Variants in AGAP1 observed in about 807,000 individuals in gnomAD.
AGAP1 encodes arf-GAP with GTPase, ANK repeat and PH domain-containing protein 1.
A neutral mutation model predicts 105.3 loss-of-function variants in AGAP1; 29 were observed. The ratio of observed to expected loss-of-function variants is 0.28; its 90% CI spans 0.21 to 0.38. The LOEUF is 0.38. AGAP1 is among the 10% of genes least tolerant of loss of function. The pLI is 1.00. For missense variants in AGAP1, 998 were observed against 1,165.1 expected (o/e 0.86, Z 2.09); for synonymous variants, 509 against 485.9 (o/e 1.05, Z -0.63).
At chr2:236,011,087 T>TG (rs1173539264) in intron 13 of AGAP1, among the ~76,000 whole-genome samples, 1 of 152,200 alleles carries the variant, frequency 6.6e-6, no homozygotes, top group East Asian at 1.9e-4. Flanking sequence ...GCCAGCATGA[T>TG]GATGAGTTTT....
intron 9 of AGAP1, among the ~76,000 whole-genome samples, chr2:235,836,346 G>A (rs1312737337): frequency 6.6e-6 from 1 of 152,216 alleles, no homozygotes; most frequent in East Asian, 1.9e-4. Context: ...AGGTGGCCGG[G>A]AGTGCTGGTG....
intron 6 of AGAP1, among the ~76,000 whole-genome samples, chr2:235,778,349 A>G (rs1204430061): frequency 6.6e-6 from 1 of 152,208 alleles, no homozygotes; most frequent in African/African-American, 2.4e-5. Context: ...TGCAGCCAGC[A>G]GGGAATTTTA....
At chr2:235,802,631 G>A (rs1033296180) in intron 8 of AGAP1, among the ~76,000 whole-genome samples, 1 of 152,056 alleles carries the variant, frequency 6.6e-6, no homozygotes, top group Non-Finnish European at 1.5e-5. Context: ...CAAAATGATG[G>A]TGGTGATGAT....
intron 16 of AGAP1, among the ~76,000 whole-genome samples, chr2:236,069,101 T>C (rs1576223146): frequency 6.6e-6 from 1 of 151,332 alleles, no homozygotes; most frequent in East Asian, 2.0e-4. Flanking sequence ...CGCTCCAGCC[T>C]GGGCAACAGC....
chr2:236,031,125 GATTA>G (rs1559208208), intron 13 of AGAP1, among the ~76,000 whole-genome samples: 1 of 152,170 alleles, frequency 6.6e-6, no homozygotes, highest in African/African-American at 2.4e-5. Context: ...ATCCAAAACT[GATTA>G]GATATATGAA....
intron 16 of AGAP1, among the ~76,000 whole-genome samples, chr2:236,075,447 G>A (rs183199050): frequency 4.1e-4 from 62 of 152,244 alleles, no homozygotes; most frequent in African/African-American, 1.3e-3. Context: ...AGCCGCAAAG[G>A]GTCCCCGCTG....
Position 235,516,187 on chromosome 2 carries a change from C to T in AGAP1, c.163+21338C>T, listed in dbSNP as rs369003692. 4.6e-5 allele frequency among the ~76,000 whole-genome samples: 7 copies of T among 152,224 alleles called. No homozygotes were observed. In the East Asian group the frequency reaches 9.7e-4, roughly 21 times the overall value. On this transcript the variant is annotated intron_variant, in intron 1 of 17. Transcript: ENST00000304032. Reference sequence around the variant, plus strand: ...CGTGCTGTCTTCCCATCCCTCTGGGCACGTGGCTCCTCTTTTACATGCATG... The same window carrying T: ...CGTGCTGTCTTCCCATCCCTCTGGGTACGTGGCTCCTCTTTTACATGCATG...
chr2:235,914,515 G>A (rs1254169137), intron 11 of AGAP1, among the ~76,000 whole-genome samples: 1 of 152,110 alleles, frequency 6.6e-6, no homozygotes, highest in East Asian at 1.9e-4. Context: ...CTCGGGGGTG[G>A]GGTATTCCTA....
intron 2 of AGAP1, among the ~76,000 whole-genome samples, chr2:235,715,196 C>T (rs759830817): frequency 2.0e-4 from 31 of 152,348 alleles, no homozygotes; most frequent in Non-Finnish European, 4.1e-4. Context: ...TCCATCTCTC[C>T]TCCCTCCCAT....
rs1049395260 is a variant in AGAP1 at position 235,989,377 on chromosome 2, C to A, written c.1645+20754C>A. Among the ~76,000 whole-genome samples, 1 of 152,128 alleles carries A rather than the reference C, an allele frequency of 6.6e-6. No individual in the cohort carries two copies. Among genetic ancestry groups the A allele is most frequent in the Non-Finnish European group, 1.5e-5 (1 of 68,026 alleles). On this transcript the variant is annotated intron_variant, in intron 13 of 17. Transcript: ENST00000304032. This position sits in a 1 kb window ranked among gnomAD's most constrained non-coding sequence, Gnocchi z 4.4. ...CCTAAGCCCTTCCCCCAACTGGAAC[C>A]ATGGAGGGAGGAAGAACAGACCAGG... is the stretch of plus-strand genomic sequence containing the variant.
chr2:236,129,709 C>T lies in AGAP1; in HGVS notation c.*5587C>T, dbSNP rs1347614283. On this transcript the variant is annotated 3_prime_UTR_variant, in exon 18 of 18. Transcript: ENST00000304032. This position sits in a 1 kb window ranked among gnomAD's most constrained non-coding sequence, Gnocchi z 6.2. ...AAATAGACTGTTGAAATATTAATGG[C>T]CCCCCCATTTAATCAGTGTGTCTGC... The T allele has an allele frequency of 6.6e-6, 1 of 152,108 alleles. No individual in the cohort carries two copies. Among genetic ancestry groups the T allele is most frequent in the African/African-American group, 2.4e-5 (1 of 41,422 alleles). 9.4% of individuals were successfully genotyped at this position (152,108 alleles called of 1,614,324 possible).
Position 236,123,390 on chromosome 2 carries a change from G to A in AGAP1, c.2371-529G>A, listed in dbSNP as rs907523712. On this transcript the variant is annotated intron_variant, in intron 17 of 17. Transcript: ENST00000304032. This position sits in a 1 kb window ranked among gnomAD's most constrained non-coding sequence, Gnocchi z 4.6. ...GATGTAAGAAAATGATCACAGTATA[G>A]TAATCAATAAAAAATGAAAAAAATA... Among the ~76,000 whole-genome samples the A allele has an allele frequency of 6.6e-6, 1 of 151,972 alleles. No individual in the cohort carries two copies. Among genetic ancestry groups the A allele is most frequent in the African/African-American group, 2.4e-5 (1 of 41,320 alleles).
In AGAP1 at chr2:236,129,152, T is replaced by G. The variant is rs962587345; in HGVS notation, c.*5030T>G. ...TTCTCCACCTTTCCGCGGCTTGCGC[T>G]TGGATTTCTGAGTGGCTTTCTTCAG... On this transcript the variant is annotated 3_prime_UTR_variant, in exon 18 of 18. Transcript: ENST00000304032. The surrounding 1 kb of genome is among the most constrained non-coding windows in gnomAD (Gnocchi z 6.2). The G allele has an allele frequency of 6.6e-6, 1 of 152,370 alleles. No individual in the cohort carries two copies. Among genetic ancestry groups the G allele is most frequent in the Middle Eastern group, 3.4e-3 (1 of 296 alleles). The allele number at this position is 152,370 out of a possible 1,614,324, so 9.4% of individuals were successfully genotyped here. A position where few individuals can be genotyped will look rare whatever the true frequency, so the allele number is the denominator to read the frequency against.
At chr2:235,946,640 C>CT (rs1352437607) in intron 12 of AGAP1, among the ~76,000 whole-genome samples, 1 of 152,230 alleles carries the variant, frequency 6.6e-6, no homozygotes, top group Non-Finnish European at 1.5e-5. Context: ...GAAACAATCT[C>CT]TGTGTCCAGA....
chr2:235,644,329 C>T (rs1326834561), intron 1 of AGAP1, among the ~76,000 whole-genome samples: 1 of 152,216 alleles, frequency 6.6e-6, no homozygotes, highest in East Asian at 1.9e-4. Flanking sequence ...CTGTCCCGTT[C>T]ACTGTCATGT....
intron 1 of AGAP1, among the ~76,000 whole-genome samples, chr2:235,531,041 T>C (rs1247256455): frequency 6.6e-6 from 1 of 152,184 alleles, no homozygotes; most frequent in East Asian, 1.9e-4. Flanking sequence ...GTTTAGAAAG[T>C]ACAGTGAGAA....
intron 1 of AGAP1, among the ~76,000 whole-genome samples, chr2:235,592,804 C>T (rs73120500): frequency 0.047 from 7,216 of 152,160 alleles, 291 homozygotes; most frequent in African/African-American, 0.11. Flanking sequence ...GGTGAGAGTG[C>T]GGGGTGGCTG....
Position 236,005,616 on chromosome 2 carries a change from C to T in AGAP1, c.1646-30945C>T, listed in dbSNP as rs751715252. ...TATTCCATTGTCATGCCTCCTTAGC[C>T]TTCTCTTGGCTGGGACATTTTCTCA... is the stretch of plus-strand genomic sequence containing the variant. On this transcript the variant is annotated intron_variant, in intron 13 of 17. Coordinates refer to ENST00000304032, the MANE Select transcript of AGAP1 (RefSeq NM_001037131.3). The surrounding 1 kb of genome is among the most constrained non-coding windows in gnomAD (Gnocchi z 4.1). Among the ~76,000 whole-genome samples, 2 of 152,302 alleles carry T rather than the reference C, an allele frequency of 1.3e-5. No individual in the cohort carries two copies. The highest frequency in any genetic ancestry group is 6.5e-5 in the Admixed American group (1 of 15,294).
Position 235,766,710 on chromosome 2 carries a change from A to G in AGAP1, c.673+16222A>G, listed in dbSNP as rs115775857. ...GCCCTGCATGTAACTTTACAGAAGAATCAAAGAAAAGTTGGCCAAAGATAC... is the reference window on the plus strand; with the variant it reads ...GCCCTGCATGTAACTTTACAGAAGAGTCAAAGAAAAGTTGGCCAAAGATAC... On this transcript the variant is annotated intron_variant, in intron 6 of 17. Coordinates refer to ENST00000304032, the MANE Select transcript of AGAP1 (RefSeq NM_001037131.3). Among the ~76,000 whole-genome samples, 260 of 152,304 alleles carry G rather than the reference A, an allele frequency of 1.7e-3. 1 individual carries two copies. Among genetic ancestry groups the G allele is most frequent in the African/African-American group, 6.0e-3 (248 of 41,570 alleles).
Sources: gnomAD v4.1 joint callset for allele counts (sites outside exome capture counted in the v4.1 genomes callset) on GRCh38, gnomAD v4.1.1 for gene constraint, Gnocchi (gnomAD v3.1) non-coding constraint, MANE v1.5 for transcripts, NCBI Gene and HGNC (gene_info 2026-07-23, HGNC 2026-07-21) for gene names.